GJB1: variants seen among roughly 807,000 people sequenced by gnomAD.
GJB1 encodes gap junction beta-1 protein.
GJB1 carries 1 observed loss-of-function variant against 12.0 expected under a neutral mutation model. The ratio of observed to expected loss-of-function variants is 0.08; its 90% CI spans 0.03 to 0.40. The LOEUF is 0.40. GJB1 is among the 10% of genes least tolerant of loss of function. GJB1 has a pLI of 0.98. For missense variants in GJB1, 140 were observed against 250.3 expected (o/e 0.56, Z 2.97); for synonymous variants, 114 against 102.8 (o/e 1.11, Z -0.66).
chrX:71,220,840 G>A (rs1318599189), upstream of GJB1, among the ~76,000 whole-genome samples: 3 of 100,251 alleles, frequency 3.0e-5, no homozygotes, highest in African/African-American at 1.1e-4. Context: ...GTTCTAGAGT[G>A]TAACACATCT....
chrX:71,223,665 G>C lies in GJB1; in HGVS notation c.-16-27G>C, dbSNP rs377214127. Reference sequence around the variant, plus strand: ...GACTTTCCACCCCAGCTTTCTGACAGCTTGCTTCATGGCTGGTGTTTTGCA... The same window carrying C: ...GACTTTCCACCCCAGCTTTCTGACACCTTGCTTCATGGCTGGTGTTTTGCA... On this transcript the variant is annotated intron_variant, in intron 1 of 1. Transcript: ENST00000361726. 5.8e-6 allele frequency: 7 copies of C among 1,204,627 alleles called. No homozygotes were observed. In the African/African-American group the frequency reaches 1.2e-4, roughly 21 times the overall value.
rs763991026 is a variant in GJB1 at position 71,224,498 on chromosome X, G to T, written c.791G>T (p.Arg264Leu). ...GATGGCTCCCTGAAAGACATACTGCGCCGCAGCCCTGGCACCGGGGCTGGG... is the reference window on the plus strand; with the variant it reads ...GATGGCTCCCTGAAAGACATACTGCTCCGCAGCCCTGGCACCGGGGCTGGG... The part of the protein sequence containing the change: ...EQDGSLKDIL[R>L]RSPGTGAGLA... The change falls in exon 2 of 2, where the codon CGC (arginine) becomes CTC (leucine). Residue 264 changes from arginine to leucine, a missense_variant. Arg to Leu is a moderately radical substitution (Grantham distance 102, BLOSUM62 -2). This residue lies in a region of GJB1 where 75 missense variants were observed against 78.8 expected (regional missense o/e 0.95). Transcript: ENST00000361726. The T allele has an allele frequency of 8.3e-7, 1 of 1,200,334 alleles. No homozygotes were observed. Among genetic ancestry groups the T allele is most frequent in the Non-Finnish European group, 1.1e-6 (1 of 889,389 alleles).
At chrX:71,216,487 C>T (rs1285756712) in intron 1 of GJB1, among the ~76,000 whole-genome samples, 2 of 109,362 alleles carry the variant, frequency 1.8e-5, no homozygotes, top group Non-Finnish European at 3.8e-5. Context: ...TCCTGGCTCA[C>T]GGGGTTGTTG....
At chrX:71,217,739 C>G (rs998912770) in intron 1 of GJB1, 2 of 110,844 alleles carry the variant, frequency 1.8e-5, no homozygotes. Flanking sequence ...CAGGGAGCTA[C>G]TGGCTATGTC....
rs749796053 is a variant in GJB1, at chrX:71,224,405, C to T, written c.698C>T (p.Ser233Leu). 5.8e-6 allele frequency: 7 copies of T among 1,210,194 alleles called. No individual in the cohort carries two copies. In the South Asian group the frequency reaches 8.8e-5, roughly 15 times the overall value. Reference sequence around the variant, plus strand: ...TCCAATCCACCTTCCCGCAAGGGCTCGGGCTTCGGCCACCGCCTCTCACCT... The same window carrying T: ...TCCAATCCACCTTCCCGCAAGGGCTTGGGCTTCGGCCACCGCCTCTCACCT... Reference protein sequence around the residue: ...RRSNPPSRKGSGFGHRLSPEY... With the variant: ...RRSNPPSRKGLGFGHRLSPEY... The change falls in exon 2 of 2, where the codon TCG (serine) becomes TTG (leucine). Residue 233 changes from serine (S) to leucine (L), a missense_variant. By Grantham distance (145) the Ser-to-Leu change is moderately radical (BLOSUM62 -2). Coordinates refer to ENST00000361726, the MANE Select transcript of GJB1 (RefSeq NM_000166.6).
Position 71,217,104 on chromosome X carries a change from A to ATGTGTGTGTGTGTGTGTGTGTGTG in GJB1, c.-17+1846_-17+1869dup, listed in dbSNP as rs34246909. Among the ~76,000 whole-genome samples, 24 of 93,572 alleles carry ATGTGTGTGTGTGTGTGTGTGTGTG rather than the reference A, an allele frequency of 2.6e-4. 1 individual carries two copies. The highest frequency in any genetic ancestry group is 7.6e-4 in the East Asian group (2 of 2,618). The allele number at this position is 93,572 out of a possible 115,157, so 81.3% of individuals were successfully genotyped here. A position where few individuals can be genotyped will look rare whatever the true frequency, so the allele number is the denominator to read the frequency against. Reference sequence around the variant, plus strand: ...AGAGAGACAGAGACAGACTAGACGAATGTGTGTGTGTGTGTGTGTGTGTGT... The same window carrying ATGTGTGTGTGTGTGTGTGTGTGTG: ...AGAGAGACAGAGACAGACTAGACGAATGTGTGTGTGTGTGTGTGTGTGTGTGTGTGTGTGTGTGTGTGTGTGTGT... On this transcript the variant is annotated intron_variant, in intron 1 of 1. Coordinates refer to the GJB1 transcript ENST00000374029.
chrX:71,218,841 G>A (rs1261062369), upstream of GJB1, among the ~76,000 whole-genome samples: 4 of 107,020 alleles, frequency 3.7e-5, no homozygotes, highest in African/African-American at 1.4e-4. Context: ...AGCCGAGATC[G>A]CGCCACTGCA....
rs1602348446 is a variant in GJB1 at position 71,223,555 on chromosome X, G to A, written c.-16-137G>A. 9 of 585,712 alleles carry A rather than the reference G, an allele frequency of 1.5e-5. No individual in the cohort carries two copies. In the East Asian group the frequency reaches 3.1e-4, roughly 20 times the overall value. The allele number at this position is 585,712 out of a possible 1,213,427, so 48.3% of individuals were successfully genotyped here. On this transcript the variant is annotated intron_variant, in intron 1 of 1. Coordinates refer to ENST00000361726, the MANE Select transcript of GJB1 (RefSeq NM_000166.6). ...AAGCTGGCAAGGGAGATGGGGTGAC[G>A]AGGAAAGACATGACCATCCTTCCTT...
intron 1 of GJB1, 58 bp from the exon 2 acceptor site, chrX:71,223,634 G>A: frequency 8.8e-7 from 1 of 1,134,697 alleles, no homozygotes; most frequent in Non-Finnish European, 1.2e-6. Flanking sequence ...CAGTGCTATG[G>A]CGCCCGACTT....
chrX:71,217,137 T>TGTGTGTGTGTGTGTGTGC, intron 1 of GJB1, among the ~76,000 whole-genome samples: 3 of 108,773 alleles, frequency 2.8e-5, no homozygotes, highest in African/African-American at 6.7e-5. Flanking sequence ...TGTGTGTGTG[T>TGTGTGTGTGTGTGTGTGC]GTGCGTGTGC....
chrX:71,218,030 G>C (rs940460373), intron 1 of GJB1: 2 of 112,041 alleles, frequency 1.8e-5, no homozygotes, highest in Admixed American at 1.9e-4. Context: ...AGTGGCTCAC[G>C]CCTGTAATCC....
Position 71,224,867 on chromosome X carries a change from C to T in GJB1, c.*308C>T. 2 of 393,583 alleles carry T rather than the reference C, an allele frequency of 5.1e-6. No homozygotes were observed. The highest frequency in any genetic ancestry group is 7.5e-4 in the Middle Eastern group (1 of 1,336). The allele number at this position is 393,583 out of a possible 1,213,427, so 32.4% of individuals were successfully genotyped here. A position where few individuals can be genotyped will look rare whatever the true frequency, so the allele number is the denominator to read the frequency against. On this transcript the variant is annotated 3_prime_UTR_variant, in exon 2 of 2. Coordinates refer to ENST00000361726, the MANE Select transcript of GJB1 (RefSeq NM_000166.6). Reference sequence around the variant, plus strand: ...TACAAGAGATGGGATGCTCCGACAGCGTCTCCAATTATGAAACTAATCTTA... The same window carrying T: ...TACAAGAGATGGGATGCTCCGACAGTGTCTCCAATTATGAAACTAATCTTA...
intron 1 of GJB1, among the ~76,000 whole-genome samples, chrX:71,215,732 T>C (rs2147939015): frequency 9.0e-6 from 1 of 111,687 alleles, no homozygotes; most frequent in African/African-American, 3.2e-5. Flanking sequence ...AACACGGGGC[T>C]GCGAGTGGAT....
intron 1 of GJB1, 81 bp from the exon 2 acceptor site, chrX:71,223,611 G>C (rs747204878): frequency 1.4e-4 from 130 of 902,522 alleles, no homozygotes; most frequent in Non-Finnish European, 1.9e-4. Context: ...AGAGTTGAGG[G>C]GGGGTGCGCA....
chrX:71,217,078 G>C (rs746294815), intron 1 of GJB1, among the ~76,000 whole-genome samples: 11 of 106,965 alleles, frequency 1.0e-4, no homozygotes, highest in Non-Finnish European at 1.5e-4. Context: ...GGCAGAAACA[G>C]AGAGAGACAG....
chrX:71,223,172 G>A (rs1336286517), upstream of GJB1: 1 of 151,236 alleles, frequency 6.6e-6, no homozygotes, highest in Non-Finnish European at 1.3e-5. Context: ...GCCCCACAAA[G>A]GTCTCATTGT....
At chrX:71,221,512 G>A (rs1237933069), upstream of GJB1, among the ~76,000 whole-genome samples, 1 of 110,281 alleles carries the variant, frequency 9.1e-6, no homozygotes, top group African/African-American at 3.3e-5. Flanking sequence ...ACCACCCAGG[G>A]CTGAATATGA....
upstream of GJB1, among the ~76,000 whole-genome samples, chrX:71,218,385 C>CT (rs760563063): frequency 0.015 from 1,320 of 87,046 alleles, 24 homozygotes; most frequent in African/African-American, 0.041. Context: ...CTCCCTGTTC[C>CT]TTTTTTTTTT....
At position 71,224,620 on chromosome X, in the gene GJB1, T is replaced by C; in HGVS notation, c.*61T>C. The C allele has an allele frequency of 1.1e-6, 1 of 940,358 alleles. No homozygotes were observed. The highest frequency in any genetic ancestry group is 1.5e-6 in the Non-Finnish European group (1 of 671,569). 77.5% of individuals were successfully genotyped at this position (940,358 alleles called of 1,213,427 possible). On this transcript the variant is annotated 3_prime_UTR_variant, in exon 2 of 2. Coordinates refer to ENST00000361726, the MANE Select transcript of GJB1 (RefSeq NM_000166.6). ...ACCCTGCCCTGGGCGAGCCCCTCCTTCTCCCCTGCCGGTGCACAGGCCTCT... is the reference window on the plus strand; with the variant it reads ...ACCCTGCCCTGGGCGAGCCCCTCCTCCTCCCCTGCCGGTGCACAGGCCTCT...
Sources: gnomAD v4.1 joint callset for allele counts (sites outside exome capture counted in the v4.1 genomes callset) on GRCh38, gnomAD v4.1.1 for gene constraint, gnomAD v4.1.1 regional missense constraint, MANE v1.5 for transcripts, NCBI Gene and HGNC (gene_info 2026-07-23, HGNC 2026-07-21) for gene names.